PALS2: variants seen among roughly 807,000 people sequenced by gnomAD.
PALS2 encodes protein associated with LIN7 2, MAGUK p55 family member.
Under a neutral mutation model 61.6 loss-of-function variants are expected in PALS2, and 27 were observed. The observed-to-expected ratio is 0.44, with a 90% CI of 0.32 to 0.60. The LOEUF (loss-of-function observed/expected upper bound fraction) is 0.60, where lower values mean the gene tolerates loss of function less well. Among genes scored for constraint, PALS2 ranks in the 20% least tolerant of loss-of-function variants. PALS2 has a pLI of 0.05. For synonymous variants in PALS2, 236 were observed against 218.6 expected, an observed-to-expected ratio of 1.08 and a Z score of -0.70; for missense variants, 554 against 639.4, an observed-to-expected ratio of 0.87 and a Z score of 1.44.
At chr7:24,598,883 C>A (rs950858252) in intron 1 of PALS2, among the ~76,000 whole-genome samples, 1 of 152,160 alleles carries the variant, frequency 6.6e-6, no homozygotes, top group Non-Finnish European at 1.5e-5. Context: ...TTGTTTCCAA[C>A]TTATTTTTAC....
At chr7:24,646,126 T>A (rs1055765017) in intron 3 of PALS2, among the ~76,000 whole-genome samples, 1 of 152,232 alleles carries the variant, frequency 6.6e-6, no homozygotes, top group Non-Finnish European at 1.5e-5. Context: ...CCTCTCATCC[T>A]ATCTGGATGC....
chr7:24,660,437 A>T (rs1321665313), intron 5 of PALS2, among the ~76,000 whole-genome samples: 1 of 152,044 alleles, frequency 6.6e-6, no homozygotes, highest in African/African-American at 2.4e-5. Flanking sequence ...CTCCTTTTTC[A>T]TAGAAAGGTT....
intron 1 of PALS2, among the ~76,000 whole-genome samples, chr7:24,589,683 CTTAT>C (rs1783208994): frequency 3.3e-5 from 5 of 152,066 alleles, no homozygotes; most frequent in Admixed American, 2.0e-4. Context: ...CATCCCATTA[CTTAT>C]TTATGATCAA....
At chr7:24,676,294 G>T (rs1015404549) in intron 9 of PALS2, among the ~76,000 whole-genome samples, 2 of 151,472 alleles carry the variant, frequency 1.3e-5, no homozygotes, top group African/African-American at 4.9e-5. Flanking sequence ...CAGATGAGTA[G>T]GTTGGGAAAA....
At position 24,688,278 on chromosome 7, in the gene PALS2, C is replaced by T. The variant is rs1328318422; in HGVS notation, c.*664C>T. The T allele has an allele frequency of 6.6e-6, 1 of 152,118 alleles. No individual in the cohort carries two copies. The highest frequency in any genetic ancestry group is 1.5e-5 in the Non-Finnish European group (1 of 68,020). The allele number at this position is 152,118 out of a possible 1,614,324, so 9.4% of individuals were successfully genotyped here. On this transcript the variant is annotated 3_prime_UTR_variant, in exon 12 of 12. Transcript: ENST00000222644. ...TTTACTGAAAAATTGAAGAGCAATA[C>T]CTTGCACTCTCTTTTGAGGTTATTC... is the stretch of plus-strand genomic sequence containing the variant.
chr7:24,671,084 C>G (rs1787271715), intron 9 of PALS2, among the ~76,000 whole-genome samples: 1 of 152,110 alleles, frequency 6.6e-6, no homozygotes, highest in Non-Finnish European at 1.5e-5. Flanking sequence ...TATGTTTAGC[C>G]TTTAGAAGAA....
At chr7:24,680,348 T>C (rs1787852591) in intron 10 of PALS2, 44 bp from the exon 11 acceptor site, 9 of 1,570,734 alleles carry the variant, frequency 5.7e-6, no homozygotes, top group Non-Finnish European at 7.9e-6. Context: ...AGAATTCTAG[T>C]TCTAATATTG....
chr7:24,647,022 T>G (rs575689359), intron 3 of PALS2, among the ~76,000 whole-genome samples: 1 of 152,234 alleles, frequency 6.6e-6, no homozygotes, highest in East Asian at 1.9e-4. Flanking sequence ...TAATTGTGTT[T>G]ATTTGGCTCT....
chr7:24,591,843 A>G (rs1365896215), intron 1 of PALS2, among the ~76,000 whole-genome samples: 2 of 152,252 alleles, frequency 1.3e-5, no homozygotes, highest in African/African-American at 4.8e-5. Context: ...ACCATATCTT[A>G]TGCCTGAACA....
At chr7:24,664,253 A>G (rs1234062040) in intron 6 of PALS2, among the ~76,000 whole-genome samples, 3 of 152,170 alleles carry the variant, frequency 2.0e-5, no homozygotes, top group Non-Finnish European at 4.4e-5. Context: ...ATCTGTGTAT[A>G]TGGAAAGAGA....
chr7:24,605,307 G>GA (rs1783857493), intron 1 of PALS2, among the ~76,000 whole-genome samples: 2 of 152,094 alleles, frequency 1.3e-5, no homozygotes, highest in South Asian at 4.1e-4. Flanking sequence ...GGGAAAAATA[G>GA]AAACAACTGC....
intron 1 of PALS2, among the ~76,000 whole-genome samples, chr7:24,577,664 A>G (rs1313486707): frequency 1.3e-5 from 2 of 152,060 alleles, no homozygotes; most frequent in Admixed American, 6.5e-5. Context: ...CTTTTGCACT[A>G]TGTTCACTCT....
chr7:24,602,101 G>A (rs1159350131), intron 1 of PALS2, among the ~76,000 whole-genome samples: 1 of 151,688 alleles, frequency 6.6e-6, no homozygotes, highest in Non-Finnish European at 1.5e-5. Context: ...TTCTACTCCT[G>A]TGCTTTTCTA....
At chr7:24,594,457 C>G (rs1783423069) in intron 1 of PALS2, among the ~76,000 whole-genome samples, 1 of 152,104 alleles carries the variant, frequency 6.6e-6, no homozygotes, top group African/African-American at 2.4e-5. Flanking sequence ...AACTTCCCTT[C>G]CTTATTAAAT....
chr7:24,693,724 C>T lies in PALS2; in HGVS notation c.*6110C>T, dbSNP rs1010927076. On this transcript the variant is annotated 3_prime_UTR_variant, in exon 12 of 12. Coordinates refer to ENST00000222644, the MANE Select transcript of PALS2 (RefSeq NM_001303037.2). ...AAGAACTGCTGACTGGCTCCTGTCT[C>T]TTCAGTAACACTGATTTTTTTTTAA... The T allele has an allele frequency of 6.6e-6, 1 of 152,128 alleles. No homozygotes were observed. The highest frequency in any genetic ancestry group is 2.4e-5 in the African/African-American group (1 of 41,426). The allele number at this position is 152,128 out of a possible 1,614,324, so 9.4% of individuals were successfully genotyped here.
At chr7:24,627,683 A>G (rs540167559) in intron 2 of PALS2, among the ~76,000 whole-genome samples, 1 of 152,324 alleles carries the variant, frequency 6.6e-6, no homozygotes, top group Admixed American at 6.5e-5. Flanking sequence ...GGTAAAGGGG[A>G]TACCATCACT....
intron 1 of PALS2, among the ~76,000 whole-genome samples, chr7:24,577,186 C>A (rs1049434863): frequency 6.6e-6 from 1 of 151,486 alleles, no homozygotes; most frequent in Non-Finnish European, 1.5e-5. Context: ...AAATTAGTTT[C>A]TATTTTTCCT....
chr7:24,685,376 G>A (rs761529109), intron 11 of PALS2, among the ~76,000 whole-genome samples: 2 of 152,040 alleles, frequency 1.3e-5, no homozygotes, highest in East Asian at 1.9e-4. Context: ...ATCTTAAAAC[G>A]AATCCAGCTT....
rs534574603 is a variant in PALS2, at chr7:24,578,102, C to T, written c.-3+4509C>T. ...GGACTATAGGCAACAACTACCATGC[C>T]GAGCTAATTAAAAAAAAAAAATTCT... On this transcript the variant is annotated intron_variant, in intron 1 of 11. Transcript: ENST00000222644. 1.6e-4 allele frequency among the ~76,000 whole-genome samples: 24 copies of T among 151,886 alleles called. 1 individual carries two copies. In the South Asian group the frequency reaches 2.5e-3, roughly 16 times the overall value.
Sources: allele counts gnomAD v4.1 joint callset (sites outside exome capture counted in the v4.1 genomes callset), GRCh38; gene constraint gnomAD v4.1.1; transcripts MANE v1.5; gene names NCBI Gene and HGNC (gene_info 2026-07-23, HGNC 2026-07-21).